Variants in CLASP2 observed in about 807,000 individuals in gnomAD.
The protein encoded by CLASP2 is CLIP-associating protein 2.
In CLASP2, 47 loss-of-function variants were observed where a neutral mutation model predicts 194.4. That is an observed-to-expected ratio of 0.24 (90% confidence interval 0.19 to 0.31). The LOEUF (loss-of-function observed/expected upper bound fraction) is 0.31. CLASP2 is among the 10% of genes least tolerant of loss of function. CLASP2 has a pLI of 1.00. For synonymous variants in CLASP2, 619 were observed against 633.5 expected (o/e 0.98, Z 0.34); for missense variants, 1,445 against 1,823.6 (o/e 0.79, Z 3.78).
intron 18 of CLASP2, among the ~76,000 whole-genome samples, chr3:33,601,230 G>A (rs572052095): frequency 6.6e-6 from 1 of 152,150 alleles, no homozygotes; most frequent in East Asian, 1.9e-4. Flanking sequence ...AAAGTGCTGG[G>A]ATTACAGGTG....
chr3:33,623,919 T>A (rs751573200), intron 10 of CLASP2, among the ~76,000 whole-genome samples: 1 of 152,178 alleles, frequency 6.6e-6, no homozygotes, highest in Admixed American at 6.6e-5. Flanking sequence ...AATATCCTAC[T>A]GAACAGGGAA....
chr3:33,576,379 T>TG, intron 23 of CLASP2, 104 bp from the exon 24 acceptor site: 1 of 751,188 alleles, frequency 1.3e-6, no homozygotes, highest in East Asian at 2.7e-5. Flanking sequence ...AAAAAACCAA[T>TG]GGGGCAAAGC....
At chr3:33,702,949 C>T (rs2092470194) in intron 1 of CLASP2, among the ~76,000 whole-genome samples, 1 of 152,030 alleles carries the variant, frequency 6.6e-6, no homozygotes, top group Non-Finnish European at 1.5e-5. Context: ...GACCTTATGC[C>T]CTTCACCAAA....
intron 8 of CLASP2, among the ~76,000 whole-genome samples, chr3:33,642,650 A>C (rs538482047): frequency 1.1e-4 from 16 of 152,046 alleles, no homozygotes; most frequent in Non-Finnish European, 1.8e-4. Context: ...CAAAAATTCT[A>C]CAACTCTAAG....
At chr3:33,646,404 C>T (rs751699822) in intron 7 of CLASP2, among the ~76,000 whole-genome samples, 2 of 151,948 alleles carry the variant, frequency 1.3e-5, no homozygotes, top group Non-Finnish European at 2.9e-5. Flanking sequence ...TTTAGCATAA[C>T]ACTATTAGGG....
At chr3:33,609,592 C>T (rs1395204138) in intron 13 of CLASP2, among the ~76,000 whole-genome samples, 2 of 152,186 alleles carry the variant, frequency 1.3e-5, no homozygotes, top group Non-Finnish European at 2.9e-5. Context: ...TTTTCCTCCA[C>T]TTTCCCTTAA....
At chr3:33,620,290 T>C (rs573849020) in intron 11 of CLASP2, among the ~76,000 whole-genome samples, 2 of 152,300 alleles carry the variant, frequency 1.3e-5, no homozygotes, top group South Asian at 4.1e-4. Flanking sequence ...TACCATATCT[T>C]ATTGGGTGAT....
chr3:33,558,127 T>C (rs898324073), intron 29 of CLASP2, among the ~76,000 whole-genome samples: 17 of 152,230 alleles, frequency 1.1e-4, no homozygotes, highest in Non-Finnish European at 2.4e-4. Flanking sequence ...ACGAGATGAA[T>C]GCCTGACTGT....
intron 37 of CLASP2, among the ~76,000 whole-genome samples, chr3:33,510,221 G>A (rs186480158): frequency 6.6e-6 from 1 of 152,244 alleles, no homozygotes; most frequent in Admixed American, 6.5e-5. Flanking sequence ...GGGGATGAAG[G>A]GAGGAAGGAA....
chr3:33,583,911 A>T (rs2066734947), intron 22 of CLASP2, among the ~76,000 whole-genome samples: 1 of 152,192 alleles, frequency 6.6e-6, no homozygotes, highest in Non-Finnish European at 1.5e-5. Flanking sequence ...GAAGGAAGAG[A>T]GAGTGAGAGA....
intron 6 of CLASP2, among the ~76,000 whole-genome samples, chr3:33,668,609 A>C (rs750114917): frequency 3.3e-5 from 5 of 152,228 alleles, no homozygotes; most frequent in South Asian, 2.1e-4. Context: ...AGATCTGTTT[A>C]ATATGTGTTG....
chr3:33,663,075 T>C (rs1307046469), intron 7 of CLASP2, among the ~76,000 whole-genome samples: 4 of 151,352 alleles, frequency 2.6e-5, no homozygotes, highest in African/African-American at 9.7e-5. Context: ...ACAATTTCTA[T>C]TAAAGACAAC....
At chr3:33,550,392 C>CAAA (rs555351261) in intron 30 of CLASP2, among the ~76,000 whole-genome samples, 1,967 of 51,330 alleles carry the variant, frequency 0.038, 139 homozygotes, top group African/African-American at 0.12. Context: ...GAGACTGCCT[C>CAAA]AAAAAAAAAA....
intron 21 of CLASP2, among the ~76,000 whole-genome samples, chr3:33,587,213 C>T (rs145909978): frequency 0.019 from 2,913 of 151,980 alleles, 55 homozygotes; most frequent in African/African-American, 0.045. Flanking sequence ...GCACGCTCTG[C>T]CACCCAGGTT....
intron 37 of CLASP2, among the ~76,000 whole-genome samples, chr3:33,509,390 T>C (rs900781184): frequency 3.3e-5 from 5 of 152,206 alleles, no homozygotes; most frequent in African/African-American, 9.7e-5. Flanking sequence ...TAATTTTGTA[T>C]ATTTAGTAGA....
At chr3:33,692,643 T>C (rs1303054459) in intron 2 of CLASP2, among the ~76,000 whole-genome samples, 1 of 152,174 alleles carries the variant, frequency 6.6e-6, no homozygotes, top group Non-Finnish European at 1.5e-5. Flanking sequence ...GACAGAACTA[T>C]ACCTCACATG....
At chr3:33,600,260 T>C (rs887237050) in intron 18 of CLASP2, among the ~76,000 whole-genome samples, 3 of 152,138 alleles carry the variant, frequency 2.0e-5, no homozygotes, top group African/African-American at 4.8e-5. Flanking sequence ...TAATGTTAAA[T>C]AGGGCCAAGA....
intron 1 of CLASP2, among the ~76,000 whole-genome samples, chr3:33,698,423 T>A (rs1178419847): frequency 6.6e-6 from 1 of 152,046 alleles, no homozygotes; most frequent in Non-Finnish European, 1.5e-5. Context: ...TTCCTAAGAC[T>A]GAAGCTAGAC....
intron 7 of CLASP2, among the ~76,000 whole-genome samples, chr3:33,645,952 AC>A (rs1439621640): frequency 1.3e-5 from 2 of 151,378 alleles, no homozygotes; most frequent in Non-Finnish European, 3.0e-5. Context: ...ACACACACAC[AC>A]ACACACACAC....
Sources: gnomAD v4.1 joint callset for allele counts (sites outside exome capture counted in the v4.1 genomes callset) on GRCh38, gnomAD v4.1.1 for gene constraint, MANE v1.5 for transcripts, NCBI Gene and HGNC (gene_info 2026-07-23, HGNC 2026-07-21) for gene names.